Variants in RAD51B observed in about 807,000 individuals in gnomAD.
The protein encoded by RAD51B is RAD51 paralog B.
A neutral mutation model predicts 42.2 loss-of-function variants in RAD51B; 38 were observed. That is an observed-to-expected ratio of 0.90 (90% CI 0.70 to 1.18). RAD51B has a LOEUF of 1.18. Ranked by LOEUF, RAD51B falls within the 50% of genes most tolerant of loss-of-function variation. The probability of loss-of-function intolerance (pLI) is 0.00; values close to 1 mark genes in which losing one functional copy is unlikely to be tolerated. For missense variants in RAD51B, 373 were observed against 400.7 expected, an observed-to-expected ratio of 0.93 and a Z score of 0.59; for synonymous variants, 154 against 145.2, an observed-to-expected ratio of 1.06 and a Z score of -0.43.
At chr14:68,465,482 G>C (rs745724301) in intron 9 of RAD51B, among the ~76,000 whole-genome samples, 1 of 152,014 alleles carries the variant, frequency 6.6e-6, no homozygotes, top group African/African-American at 2.4e-5. Flanking sequence ...TCGTCTCTTG[G>C]GAGCCTGTTA....
chr14:68,623,756 AG>A (rs201367815), intron 10 of RAD51B, among the ~76,000 whole-genome samples: 2,667 of 152,360 alleles, frequency 0.018, 38 homozygotes, highest in South Asian at 0.04. Context: ...ACTTCTTAGA[AG>A]GTAATAGAAT....
intron 4 of RAD51B, among the ~76,000 whole-genome samples, chr14:67,836,006 T>C (rs1194247707): frequency 6.6e-6 from 1 of 152,266 alleles, no homozygotes; most frequent in African/African-American, 2.4e-5. Flanking sequence ...TGAGCTGTTT[T>C]TACTTTCTGT....
chr14:68,355,485 T>TTAA (rs1555397480), intron 8 of RAD51B, among the ~76,000 whole-genome samples: 1 of 152,158 alleles, frequency 6.6e-6, no homozygotes, highest in Admixed American at 6.5e-5. Flanking sequence ...ATTCCTGATA[T>TTAA]TAATAAACTC....
At chr14:68,462,062 C>A (rs1410591119) in intron 9 of RAD51B, among the ~76,000 whole-genome samples, 1 of 152,122 alleles carries the variant, frequency 6.6e-6, no homozygotes, top group African/African-American at 2.4e-5. Flanking sequence ...CAGAAAATGC[C>A]CCAGATCTGC....
exon 11 of RAD51B, chr14:68,595,482 G>C (rs184477718): frequency 9.4e-6 from 10 of 1,066,728 alleles, no homozygotes; most frequent in Admixed American, 5.3e-5. Flanking sequence ...CTCCTAGCTT[G>C]AGTAGATTAA....
intron 10 of RAD51B, among the ~76,000 whole-genome samples, chr14:68,489,655 A>G (rs1883915013): frequency 6.6e-6 from 1 of 152,220 alleles, no homozygotes; most frequent in Non-Finnish European, 1.5e-5. Flanking sequence ...AGGCATTTCT[A>G]TGTTCCTATT....
intron 7 of RAD51B, among the ~76,000 whole-genome samples, chr14:68,099,484 TC>T (rs1221253363): frequency 6.6e-6 from 1 of 152,210 alleles, no homozygotes; most frequent in Non-Finnish European, 1.5e-5. Flanking sequence ...TGGATCCTGT[TC>T]CTTGCTCTGT....
intron 8 of RAD51B, among the ~76,000 whole-genome samples, chr14:68,395,169 C>CCCGCCTCCCCTTCTTCTGTGCT (rs1243074749): frequency 8.5e-5 from 13 of 152,196 alleles, no homozygotes; most frequent in Admixed American, 2.0e-4. Flanking sequence ...CCCCTCCTCT[C>CCCGCCTCCCCTTCTTCTGTGCT]CCGCCTCCCC....
chr14:67,903,149 C>T (rs1044246035), intron 7 of RAD51B, among the ~76,000 whole-genome samples: 15 of 152,142 alleles, frequency 9.9e-5, no homozygotes, highest in African/African-American at 2.2e-4. Context: ...TGAGCCACCG[C>T]GCCTGGCCTG....
intron 9 of RAD51B, among the ~76,000 whole-genome samples, chr14:68,428,481 G>C (rs951380265): frequency 5.3e-5 from 8 of 151,504 alleles, no homozygotes; most frequent in Non-Finnish European, 8.8e-5. Flanking sequence ...GAACTTATTC[G>C]CATTGCATAA....
intron 10 of RAD51B, among the ~76,000 whole-genome samples, chr14:68,489,082 T>C (rs1391654607): frequency 1.3e-5 from 2 of 151,552 alleles, no homozygotes; most frequent in Non-Finnish European, 2.9e-5. Context: ...GCCTCCCAAG[T>C]AGCTGGGATT....
intron 7 of RAD51B, chr14:68,236,203 C>T (rs2080253340): frequency 6.6e-6 from 1 of 152,042 alleles, no homozygotes; most frequent in South Asian, 2.1e-4. Flanking sequence ...TGCCCCTGAA[C>T]CTAAAATAAA....
intron 7 of RAD51B, among the ~76,000 whole-genome samples, chr14:68,110,033 T>G (rs1049990401): frequency 6.6e-6 from 1 of 152,040 alleles, no homozygotes; most frequent in Non-Finnish European, 1.5e-5. Flanking sequence ...GTCAATAGAT[T>G]GGAGACTCTA....
intron 8 of RAD51B, among the ~76,000 whole-genome samples, chr14:68,306,055 G>A (rs530235505): frequency 7.9e-5 from 12 of 152,296 alleles, no homozygotes; most frequent in South Asian, 4.1e-4. Context: ...TCCCACATCC[G>A]TCCCTCCCCT....
At chr14:68,164,204 A>G (rs1566696363) in intron 7 of RAD51B, among the ~76,000 whole-genome samples, 1 of 152,218 alleles carries the variant, frequency 6.6e-6, no homozygotes, top group Non-Finnish European at 1.5e-5. Context: ...TCTATGATAT[A>G]AAACAATTTA....
At chr14:68,014,354 T>C (rs960545165) in intron 7 of RAD51B, among the ~76,000 whole-genome samples, 4 of 152,264 alleles carry the variant, frequency 2.6e-5, no homozygotes, top group African/African-American at 9.6e-5. Context: ...TTCAGTCTTC[T>C]TTGTCTCTCA....
chr14:68,544,975 G>A (rs1053967322), intron 10 of RAD51B, among the ~76,000 whole-genome samples: 1 of 152,176 alleles, frequency 6.6e-6, no homozygotes, highest in Non-Finnish European at 1.5e-5. Flanking sequence ...TCCAGGGATG[G>A]GATGTGGGAG....
intron 7 of RAD51B, among the ~76,000 whole-genome samples, chr14:68,052,792 T>A (rs1023858558): frequency 6.6e-6 from 1 of 151,146 alleles, no homozygotes; most frequent in African/African-American, 2.5e-5. Flanking sequence ...GGCTATTTTT[T>A]TGTGTTTTTT....
downstream of RAD51B, among the ~76,000 whole-genome samples, chr14:68,597,985 C>T (rs942760845): frequency 6.6e-6 from 1 of 152,016 alleles, no homozygotes; most frequent in African/African-American, 2.4e-5. Flanking sequence ...GCTTCAGCTC[C>T]TGGGATTTGT....
Sources: gnomAD v4.1 joint callset for allele counts (sites outside exome capture counted in the v4.1 genomes callset) on GRCh38, gnomAD v4.1.1 for gene constraint, MANE v1.5 for transcripts, NCBI Gene and HGNC (gene_info 2026-07-23, HGNC 2026-07-21) for gene names.